The following OSTF1 variants were observed in gnomAD, a reference collection of about 807,000 sequenced individuals.
OSTF1 encodes osteoclast-stimulating factor 1.
Under a neutral mutation model 37.2 loss-of-function variants are expected in OSTF1, and 27 were observed. The ratio of observed to expected loss-of-function variants is 0.73; its 90% CI spans 0.54 to 1.00. The LOEUF (loss-of-function observed/expected upper bound fraction) is 1.00. Among genes scored for constraint, OSTF1 ranks in the 50% least tolerant of loss-of-function variants. The pLI is 0.00. For missense variants in OSTF1, 232 were observed against 253.8 expected (o/e 0.91, Z 0.58); for synonymous variants, 82 against 89.2 (o/e 0.92, Z 0.46).
At chr9:75,136,264 T>C (rs2118606242) in intron 7 of OSTF1, among the ~76,000 whole-genome samples, 1 of 152,368 alleles carries the variant, frequency 6.6e-6, no homozygotes, top group East Asian at 1.9e-4. Context: ...TTATAACTTT[T>C]CAAACTATGT....
At chr9:75,091,899 C>G (rs1824982325) in intron 1 of OSTF1, among the ~76,000 whole-genome samples, 1 of 152,156 alleles carries the variant, frequency 6.6e-6, no homozygotes, top group Non-Finnish European at 1.5e-5. Context: ...GTCACTTACT[C>G]TGAAAAGTAG....
chr9:75,098,647 C>T (rs1024902978), intron 1 of OSTF1, among the ~76,000 whole-genome samples: 2 of 152,144 alleles, frequency 1.3e-5, no homozygotes, highest in Non-Finnish European at 2.9e-5. Flanking sequence ...GAAAATACTA[C>T]GTATTCTACT....
At chr9:75,101,589 G>T (rs1825194768) in intron 1 of OSTF1, among the ~76,000 whole-genome samples, 1 of 152,190 alleles carries the variant, frequency 6.6e-6, no homozygotes, top group Non-Finnish European at 1.5e-5. Flanking sequence ...TGAACAAAGA[G>T]GGGCTCCGTT....
chr9:75,112,418 A>G (rs1440189242), intron 1 of OSTF1, among the ~76,000 whole-genome samples: 1 of 151,984 alleles, frequency 6.6e-6, no homozygotes, highest in Non-Finnish European at 1.5e-5. Flanking sequence ...ATTTGACTCA[A>G]TTTTGAGGAT....
At chr9:75,098,501 T>A (rs1825129151) in intron 1 of OSTF1, among the ~76,000 whole-genome samples, 1 of 152,170 alleles carries the variant, frequency 6.6e-6, no homozygotes. Context: ...TGGGGCTTTA[T>A]ATGCACAGAT....
At chr9:75,094,017 T>C (rs554821914) in intron 1 of OSTF1, among the ~76,000 whole-genome samples, 1 of 152,274 alleles carries the variant, frequency 6.6e-6, no homozygotes, top group South Asian at 2.1e-4. Context: ...ATGGATGAAG[T>C]AGTACTTAAT....
Position 75,118,876 on chromosome 9 carries a change from A to T in OSTF1, c.81+1326A>T, listed in dbSNP as rs143955419. Among the ~76,000 whole-genome samples, 467 of 152,302 alleles carry T rather than the reference A, an allele frequency of 3.1e-3. 2 individuals are homozygous for T. Among genetic ancestry groups the T allele is most frequent in the African/African-American group, 0.011 (455 of 41,566 alleles). On this transcript the variant is annotated intron_variant, in intron 2 of 9. Transcript: ENST00000346234. ...AACACATGGGGATTATGGGACCTAC[A>T]ATTCAAGGTGAGATTTGGGTGGGGA... is the stretch of plus-strand genomic sequence containing the variant.
chr9:75,132,972 TACACACACACACACACACACACACAC>T (rs57913558), intron 5 of OSTF1, among the ~76,000 whole-genome samples: 1 of 60,226 alleles, frequency 1.7e-5, no homozygotes, highest in Non-Finnish European at 4.9e-5. Flanking sequence ...TACACACACA[TACACACACACACACACACACACACAC>T]ACACACACAC....
At chr9:75,090,270 A>G (rs965793297) in intron 1 of OSTF1, among the ~76,000 whole-genome samples, 2 of 151,454 alleles carry the variant, frequency 1.3e-5, no homozygotes, top group Admixed American at 6.6e-5. Flanking sequence ...TGCTGTCTAT[A>G]TTGCAAATGG....
At chr9:75,112,805 G>A (rs1029652070) in intron 1 of OSTF1, among the ~76,000 whole-genome samples, 10 of 152,148 alleles carry the variant, frequency 6.6e-5, no homozygotes, top group African/African-American at 2.2e-4. Flanking sequence ...ACATCTCATC[G>A]CTGCCTTCCC....
At chr9:75,098,370 A>G (rs114710258) in intron 1 of OSTF1, among the ~76,000 whole-genome samples, 2,912 of 152,292 alleles carry the variant, frequency 0.019, 87 homozygotes, top group African/African-American at 0.066. Flanking sequence ...GGCATAATGT[A>G]CTAATAATTA....
chr9:75,116,605 CTTTTTTTT>C (rs75110694), intron 1 of OSTF1, among the ~76,000 whole-genome samples: 2 of 122,876 alleles, frequency 1.6e-5, no homozygotes, highest in South Asian at 2.6e-4. Flanking sequence ...CCAATGGGTC[CTTTTTTTT>C]TTTTTTTTTT....
chr9:75,131,884 G>T, intron 5 of OSTF1, 61 bp downstream of exon 5: 1 of 1,256,092 alleles, frequency 8.0e-7, no homozygotes, highest in Non-Finnish European at 1.2e-6. Context: ...ATTTCAATTA[G>T]CTTTGACAAG....
At chr9:75,133,991 T>C (rs1411444062) in intron 6 of OSTF1, among the ~76,000 whole-genome samples, 4 of 152,120 alleles carry the variant, frequency 2.6e-5, no homozygotes, top group Non-Finnish European at 5.9e-5. Context: ...TCTCAACAAA[T>C]TAAATAGCAG....
chr9:75,089,357 C>T (rs752052839), intron 1 of OSTF1, among the ~76,000 whole-genome samples: 10 of 151,780 alleles, frequency 6.6e-5, no homozygotes, highest in Non-Finnish European at 1.0e-4. Context: ...TTATCATCTC[C>T]TTTGCCTTTG....
chr9:75,094,097 G>A (rs560508178), intron 1 of OSTF1, among the ~76,000 whole-genome samples: 3 of 152,320 alleles, frequency 2.0e-5, no homozygotes, highest in African/African-American at 7.2e-5. Context: ...TGGAACAGAA[G>A]CTTTAATTGA....
chr9:75,135,651 A>G (rs1221090335), intron 7 of OSTF1, among the ~76,000 whole-genome samples: 1 of 152,160 alleles, frequency 6.6e-6, no homozygotes, highest in East Asian at 1.9e-4. Context: ...ATTGCTGCCT[A>G]GCAAACGACC....
intron 1 of OSTF1, among the ~76,000 whole-genome samples, chr9:75,101,519 T>G (rs1002189776): frequency 1.3e-5 from 2 of 152,218 alleles, no homozygotes; most frequent in Middle Eastern, 3.2e-3. Context: ...ATTTGAGATA[T>G]GGACTTTTGT....
chr9:75,092,571 A>G (rs1002269636), intron 1 of OSTF1, among the ~76,000 whole-genome samples: 2 of 152,108 alleles, frequency 1.3e-5, no homozygotes. Context: ...GTAAAAATAT[A>G]ATTTTTTTAT....
Sources: gnomAD v4.1 joint callset for allele counts (sites outside exome capture counted in the v4.1 genomes callset) on GRCh38, gnomAD v4.1.1 for gene constraint, MANE v1.5 for transcripts, NCBI Gene and HGNC (gene_info 2026-07-23, HGNC 2026-07-21) for gene names.